The following NT5DC3 variants were observed in gnomAD, a reference collection of about 807,000 sequenced individuals.
NT5DC3 encodes the protein 5'-nucleotidase domain-containing protein 3.
Under a neutral mutation model 67.8 loss-of-function variants are expected in NT5DC3, and 42 were observed. That is an observed-to-expected ratio of 0.62 (90% CI 0.48 to 0.80). NT5DC3 has a LOEUF of 0.80. Among genes scored for constraint, NT5DC3 ranks in the 30% least tolerant of loss-of-function variants. The pLI is 0.00. For synonymous variants in NT5DC3, 237 were observed against 255.6 expected, an observed-to-expected ratio of 0.93 and a Z score of 0.69; for missense variants, 570 against 696.4, an observed-to-expected ratio of 0.82 and a Z score of 2.04.
chr12:103,782,303 G>C (rs1885588316), intron 12 of NT5DC3, among the ~76,000 whole-genome samples: 1 of 152,198 alleles, frequency 6.6e-6, no homozygotes, highest in Non-Finnish European at 1.5e-5. Context: ...GGGAGGCAGA[G>C]GCTGCAGTGA....
At chr12:103,758,972 A>G in the NT5DC3 span, among the ~76,000 whole-genome samples, 16 of 152,348 alleles carry the variant, frequency 1.1e-4, no homozygotes, top group Admixed American at 9.8e-4. Context: ...CAGAGCCCAG[A>G]CAACCAGAAG....
At chr12:103,812,352 G>A (rs1437096286) in intron 2 of NT5DC3, among the ~76,000 whole-genome samples, 8 of 152,132 alleles carry the variant, frequency 5.3e-5, no homozygotes, top group Non-Finnish European at 7.4e-5. Flanking sequence ...AAAAATTTGC[G>A]TAAGCATAAC....
chr12:103,818,016 A>G (rs1049194443), intron 1 of NT5DC3, among the ~76,000 whole-genome samples: 1 of 152,238 alleles, frequency 6.6e-6, no homozygotes, highest in Admixed American at 6.5e-5. Flanking sequence ...TGAGCATTTC[A>G]CAAGGCTCCT....
chr12:103,801,659 G>A (rs898446852), intron 4 of NT5DC3, among the ~76,000 whole-genome samples: 3 of 152,068 alleles, frequency 2.0e-5, no homozygotes, highest in Non-Finnish European at 4.4e-5. Flanking sequence ...GGGATTACAG[G>A]CACGAGCCAC....
At chr12:103,803,867 CCCA>C (rs1394057297) in intron 4 of NT5DC3, among the ~76,000 whole-genome samples, 3 of 128,030 alleles carry the variant, frequency 2.3e-5, no homozygotes, top group East Asian at 6.9e-4. Context: ...CCACCCCCCC[CCCA>C]AAAAAATGTG....
Position 103,822,806 on chromosome 12 carries a change from C to G in NT5DC3, c.209-7685G>C, listed in dbSNP as rs371627206. ...GTTAAAAATATTCATACCCTTTGAC[C>G]CAGTAATTCCCTTTCCAGGAATCTA... On this transcript the variant is annotated intron_variant, in intron 1 of 13. Transcript: ENST00000392876. Among the ~76,000 whole-genome samples the G allele has an allele frequency of 5.3e-5, 8 of 152,200 alleles. 1 individual carries two copies. Among genetic ancestry groups the G allele is most frequent in the African/African-American group, 1.9e-4 (8 of 41,508 alleles).
the NT5DC3 span, among the ~76,000 whole-genome samples, chr12:103,757,006 T>TATATATATATATATATATATATATATAAA: frequency 6.1e-5 from 1 of 16,308 alleles, no homozygotes; most frequent in Admixed American, 5.6e-4. Flanking sequence ...AATATATATA[T>TATATATATATATATATATATATATATAAA]ATATATATAT....
At chr12:103,839,751 CT>C (rs1458353267) in intron 1 of NT5DC3, among the ~76,000 whole-genome samples, 1 of 152,078 alleles carries the variant, frequency 6.6e-6, no homozygotes, top group Non-Finnish European at 1.5e-5. Context: ...AAAATTAACT[CT>C]TGGCAAAGGG....
downstream of NT5DC3, among the ~76,000 whole-genome samples, chr12:103,769,238 G>T (rs997958066): frequency 2.0e-5 from 3 of 152,116 alleles, no homozygotes. Flanking sequence ...CCAACTTCTC[G>T]CAATAACTGT....
At chr12:103,749,291 T>A in the NT5DC3 span, 1 of 1,048,656 alleles carries the variant, frequency 9.5e-7, no homozygotes, top group Non-Finnish European at 1.3e-6. Flanking sequence ...TGTTTCTTGT[T>A]AAAAGTCATT....
At chr12:103,753,386 A>G in the NT5DC3 span, 1 of 1,613,940 alleles carries the variant, frequency 6.2e-7, no homozygotes, top group Non-Finnish European at 8.5e-7. Flanking sequence ...CTGTGCAGAC[A>G]GAGTCTGCAG....
chr12:103,748,605 T>TACACACACACAC, the NT5DC3 span, among the ~76,000 whole-genome samples: 1 of 141,708 alleles, frequency 7.1e-6, no homozygotes, highest in Non-Finnish European at 1.6e-5. Flanking sequence ...CACACACACA[T>TACACACACACAC]ACACACACAC....
At chr12:103,784,532 C>T (rs886471223) in intron 12 of NT5DC3, among the ~76,000 whole-genome samples, 3 of 152,234 alleles carry the variant, frequency 2.0e-5, no homozygotes, top group Non-Finnish European at 2.9e-5. Flanking sequence ...GGGCAATAGG[C>T]TGTGGCCACA....
chr12:103,764,219 C>T, the NT5DC3 span, among the ~76,000 whole-genome samples: 1 of 152,222 alleles, frequency 6.6e-6, no homozygotes, highest in African/African-American at 2.4e-5. Context: ...TCCCAAAGTG[C>T]TGGGATTACA....
chr12:103,782,858 A>C (rs1482746438), intron 12 of NT5DC3, among the ~76,000 whole-genome samples: 1 of 152,118 alleles, frequency 6.6e-6, no homozygotes, highest in Non-Finnish European at 1.5e-5. Context: ...TGGTGGCACA[A>C]GCCTGTAGTC....
Position 103,777,901 on chromosome 12 carries a change from G to GTGCTGCAGTGGAGTCCTC in NT5DC3, c.1557_1574dup (p.Gln524_His525insGlnArgThrProLeuGln). On this transcript the variant is annotated inframe_insertion, in exon 14 of 14. Coordinates refer to ENST00000392876, the MANE Select transcript of NT5DC3 (RefSeq NM_001031701.3). ...GCCTTTCTGACCAGGCGGGCAGTTC[G>GTGCTGCAGTGGAGTCCTC]TGCTGCAGTGGAGTCCTCCGGGGGT... The GTGCTGCAGTGGAGTCCTC allele has an allele frequency of 6.2e-7, 1 of 1,614,184 alleles. No homozygotes were observed. Among genetic ancestry groups the GTGCTGCAGTGGAGTCCTC allele is most frequent in the Non-Finnish European group, 8.5e-7 (1 of 1,180,030 alleles).
At chr12:103,750,787 G>A in the NT5DC3 span, 1 of 1,517,938 alleles carries the variant, frequency 6.6e-7, no homozygotes. Context: ...GGACCCTCAA[G>A]GGAAAGAAGA....
chr12:103,815,172 G>T, intron 1 of NT5DC3, 51 bp from the exon 2 acceptor site: 1 of 1,200,086 alleles, frequency 8.3e-7, no homozygotes, highest in Non-Finnish European at 1.1e-6. Flanking sequence ...ATAAGGGTTA[G>T]TATGATTCCT....
At position 103,841,086 on chromosome 12, in the gene NT5DC3, C is replaced by A. The variant is rs1888402745; in HGVS notation, c.71G>T (p.Arg24Leu). 2.4e-6 allele frequency: 3 copies of A among 1,235,302 alleles called. No homozygotes were observed. Among genetic ancestry groups the A allele is most frequent in the Non-Finnish European group, 3.1e-6 (3 of 976,238 alleles). 76.5% of individuals were successfully genotyped at this position (1,235,302 alleles called of 1,614,324 possible). ...CCGAGCCGCGGTCCCGCAGCCACCC[C>A]GCAAAGCCGCCGCTGTCGCTGCCCT... ...GARAATAAAL[R>L]GGCGTAARGR... Residue 24 changes from arginine to leucine, a missense_variant, in exon 1 of 14, where the codon CGG becomes CTG. Physicochemically the swap from Arg to Leu is moderately radical, Grantham distance 102 (BLOSUM62 -2). Transcript: ENST00000392876.
Sources: gnomAD v4.1 joint callset for allele counts (sites outside exome capture counted in the v4.1 genomes callset) on GRCh38, gnomAD v4.1.1 for gene constraint, MANE v1.5 for transcripts, NCBI Gene and HGNC (gene_info 2026-07-23, HGNC 2026-07-21) for gene names.